Variants in MEGF6 observed in about 807,000 individuals in gnomAD.
MEGF6 encodes multiple epidermal growth factor-like domains protein 6.
MEGF6 carries 184 observed loss-of-function variants against 207.1 expected under a neutral mutation model. That is an observed-to-expected ratio of 0.89 (90% CI 0.79 to 1.00). The LOEUF is 1.00. MEGF6 is among the 50% of genes least tolerant of loss of function. The pLI, the probability that MEGF6 is intolerant of heterozygous loss-of-function variation, is 0.00. For missense variants in MEGF6, 2,282 were observed against 2,202.9 expected (o/e 1.04, Z -0.72); for synonymous variants, 1,038 against 910.0 (o/e 1.14, Z -2.53).
intron 4 of MEGF6, among the ~76,000 whole-genome samples, chr1:3,552,233 G>A (rs1642910174): frequency 2.0e-5 from 3 of 152,304 alleles, no homozygotes; most frequent in East Asian, 1.9e-4. Context: ...ACTCAACCCC[G>A]CCCACCAGGG....
rs1644049873 is a variant in MEGF6, at chr1:3,595,529, A to G, written c.267-82T>C. The G allele has an allele frequency of 1.4e-5, 17 of 1,223,596 alleles. 1 individual carries two copies. In the South Asian group the frequency reaches 2.0e-4, roughly 14 times the overall value. 75.8% of individuals were successfully genotyped at this position (1,223,596 alleles called of 1,614,324 possible). A position where few individuals can be genotyped will look rare whatever the true frequency, so the allele number is the denominator to read the frequency against. ...TCTCACTGCACCCCTGGGGAGACTG[A>G]CTCTGCGTCAGCCGGGTTCCCGGCG... On this transcript the variant is annotated intron_variant, in intron 2 of 36. Transcript: ENST00000356575.
the MEGF6 span, among the ~76,000 whole-genome samples, chr1:3,616,864 G>A: frequency 6.6e-6 from 1 of 152,154 alleles, no homozygotes; most frequent in African/African-American, 2.4e-5. Context: ...CGCCTGGCTG[G>A]GATGTCTTCC....
chr1:3,488,398 C>T lies in MEGF6; in HGVS notation c.*2130G>A, dbSNP rs1221983232. Among the ~76,000 whole-genome samples, 2 of 152,208 alleles carry T rather than the reference C, an allele frequency of 1.3e-5. No homozygotes were observed. The highest frequency in any genetic ancestry group is 4.8e-5 in the African/African-American group (2 of 41,448). On this transcript the variant is annotated 3_prime_UTR_variant, in exon 37 of 37. Coordinates refer to ENST00000356575, the MANE Select transcript of MEGF6 (RefSeq NM_001409.4). ...TCCACACCCTCACACCATGCTGAGACTGTCGGGGGTTCCCATTGGGGAGTA... is the reference window on the plus strand; with the variant it reads ...TCCACACCCTCACACCATGCTGAGATTGTCGGGGGTTCCCATTGGGGAGTA...
rs1435207238 is a variant in MEGF6, at chr1:3,514,688, C to T, written c.731-16G>A. The T allele has an allele frequency of 6.4e-6, 10 of 1,561,512 alleles. No individual in the cohort carries two copies. The highest frequency in any genetic ancestry group is 1.3e-5 in the African/African-American group (1 of 74,214). ...GGGCTTCTACCTGCAGCCACGGGCC[C>T]GAGGAGGGGGTTGGGGAGAGGGGAC... On this transcript the variant is annotated splice_polypyrimidine_tract_variant and intron_variant, in intron 6 of 36. Transcript: ENST00000356575.
At chr1:3,583,110 G>A (rs563996770) in intron 3 of MEGF6, among the ~76,000 whole-genome samples, 85 of 152,328 alleles carry the variant, frequency 5.6e-4, no homozygotes, top group African/African-American at 1.6e-3. Flanking sequence ...GACGGAGGAG[G>A]AGGGCTACCC....
chr1:3,495,131 TGG>T (rs1640547164), intron 30 of MEGF6, among the ~76,000 whole-genome samples: 1 of 152,198 alleles, frequency 6.6e-6, no homozygotes, highest in African/African-American at 2.4e-5. Flanking sequence ...TGGGCTGCCG[TGG>T]GCTCAGAGGT....
At chr1:3,568,348 T>A (rs1351092549) in intron 4 of MEGF6, among the ~76,000 whole-genome samples, 3 of 148,550 alleles carry the variant, frequency 2.0e-5, no homozygotes, top group African/African-American at 7.9e-5. Flanking sequence ...GGCAGGGGAA[T>A]GGGGGCTTCG....
At chr1:3,578,224 G>A (rs146178050) in intron 4 of MEGF6, among the ~76,000 whole-genome samples, 3 of 152,330 alleles carry the variant, frequency 2.0e-5, no homozygotes, top group Non-Finnish European at 2.9e-5. Context: ...GCCCCGTCCC[G>A]GAAACCTCCC....
rs1442067157 is a variant in MEGF6, at chr1:3,580,397, G to C, written c.377-468C>G. ...CCCAGCCCCGGGAGGGGAGGCTCCG[G>C]CCCAGGCCAGTCAGACCCCAGGGAG... On this transcript the variant is annotated intron_variant, in intron 3 of 36. Transcript: ENST00000356575. Among the ~76,000 whole-genome samples the C allele has an allele frequency of 2.0e-5, 3 of 152,216 alleles. No homozygotes were observed. In the East Asian group the frequency reaches 5.8e-4, roughly 29 times the overall value.
At chr1:3,580,644 GC>G (rs139714087) in intron 3 of MEGF6, among the ~76,000 whole-genome samples, 2 of 151,992 alleles carry the variant, frequency 1.3e-5, no homozygotes, top group Non-Finnish European at 2.9e-5. Flanking sequence ...CACAGCAGGT[GC>G]CCCCCAGGCT....
In MEGF6 at chr1:3,490,577, G is replaced by A. The variant is rs1640309710; in HGVS notation, c.4577C>T (p.Pro1526Leu). The change falls in exon 37 of 37, where the codon CCC (proline) becomes CTC (leucine). Residue 1526 changes from proline to leucine, a missense_variant. Transcript: ENST00000356575. ...CCGGGATGTGGGTCTGCTGGAGGCGGGCAGTGTGCCCGCTGGGGAAAAGGA... is the reference window on the plus strand; with the variant it reads ...CCGGGATGTGGGTCTGCTGGAGGCGAGCAGTGTGCCCGCTGGGGAAAAGGA... ...SLAQGSAGTL[P>L]ASSRPTSRSG... 1 of 1,613,302 alleles carries A rather than the reference G, an allele frequency of 6.2e-7. No individual in the cohort carries two copies. The highest frequency in any genetic ancestry group is 1.3e-5 in the African/African-American group (1 of 74,930).
At chr1:3,597,189 C>A (rs943495223) in intron 2 of MEGF6, among the ~76,000 whole-genome samples, 1 of 152,234 alleles carries the variant, frequency 6.6e-6, no homozygotes, top group African/African-American at 2.4e-5. Flanking sequence ...CTTGGCCACA[C>A]GGATGCCTAC....
At chr1:3,535,109 T>A (rs1053309350) in intron 4 of MEGF6, among the ~76,000 whole-genome samples, 24 of 152,244 alleles carry the variant, frequency 1.6e-4, no homozygotes, top group Admixed American at 9.2e-4. Context: ...GAGGCCTGAA[T>A]GAGACCAGCT....
intron 29 of MEGF6, 105 bp from the exon 30 acceptor site, chr1:3,496,123 G>A (rs1427273093): frequency 7.8e-6 from 11 of 1,409,520 alleles, no homozygotes; most frequent in Non-Finnish European, 1.0e-5. Flanking sequence ...GGGGACCCTG[G>A]GTCTGCCCCA....
chr1:3,618,194 C>T, the MEGF6 span, among the ~76,000 whole-genome samples: 1 of 152,208 alleles, frequency 6.6e-6, no homozygotes, highest in Non-Finnish European at 1.5e-5. The surrounding 1 kb of genome is among the most constrained non-coding windows in gnomAD (Gnocchi z 4.7). Flanking sequence ...GCAGTGCAGC[C>T]CTTGCATTTC....
intron 1 of MEGF6, among the ~76,000 whole-genome samples, chr1:3,609,001 G>T (rs992005333): frequency 2.6e-5 from 4 of 152,200 alleles, no homozygotes; most frequent in Non-Finnish European, 5.9e-5. Context: ...AGCATTAACA[G>T]GAGGTTGGCA....
chr1:3,513,846 C>T (rs559794834), intron 7 of MEGF6, among the ~76,000 whole-genome samples: 4 of 152,032 alleles, frequency 2.6e-5, no homozygotes, highest in Non-Finnish European at 1.5e-5. Context: ...CCCTCGTTGG[C>T]CTACCAAAGT....
rs1643028267 is a variant in MEGF6, at chr1:3,556,255, C to A, written c.481+23570G>T. Among the ~76,000 whole-genome samples, 1 of 152,238 alleles carries A rather than the reference C, an allele frequency of 6.6e-6. No individual in the cohort carries two copies. The highest frequency in any genetic ancestry group is 6.5e-5 in the Admixed American group (1 of 15,288). The stretch of plus-strand genomic sequence containing the variant: ...AGTGGGGCAGGGTCCCCATACATAA[C>A]CTAGAGCTCTGTGTGAGGCCCGCAG... On this transcript the variant is annotated intron_variant, in intron 4 of 36. Transcript: ENST00000356575. This position sits in a 1 kb window ranked among gnomAD's most constrained non-coding sequence, Gnocchi z 4.4.
At chr1:3,572,134 C>T (rs192899344) in intron 4 of MEGF6, among the ~76,000 whole-genome samples, 70 of 127,750 alleles carry the variant, frequency 5.5e-4, no homozygotes, top group African/African-American at 2.0e-3. Context: ...TAGGTTCTCC[C>T]AGCTATGCTG....
Sources: allele counts gnomAD v4.1 joint callset (sites outside exome capture counted in the v4.1 genomes callset), GRCh38; gene constraint gnomAD v4.1.1; non-coding constraint Gnocchi (gnomAD v3.1); transcripts MANE v1.5; gene names NCBI Gene and HGNC (gene_info 2026-07-23, HGNC 2026-07-21).